The following STX18 variants were observed in gnomAD, a reference collection of about 807,000 sequenced individuals.
STX18 encodes syntaxin-18.
Under a neutral mutation model 50.1 loss-of-function variants are expected in STX18, and 40 were observed. That is an observed-to-expected ratio of 0.80 (90% CI 0.62 to 1.04). The LOEUF is 1.04. Ranked by LOEUF, STX18 falls within the 50% of genes least tolerant of loss-of-function variation. STX18 has a pLI of 0.00. For synonymous variants in STX18, 158 were observed against 151.8 expected, an observed-to-expected ratio of 1.04 and a Z score of -0.30; for missense variants, 410 against 415.8, an observed-to-expected ratio of 0.99 and a Z score of 0.12.
chr4:4,419,860 A>G lies in STX18; in HGVS notation c.*174T>C, dbSNP rs1006854227. 1 of 601,544 alleles carries G rather than the reference A, an allele frequency of 1.7e-6. No homozygotes were observed. The highest frequency in any genetic ancestry group is 2.9e-6 in the Non-Finnish European group (1 of 343,412). The allele number at this position is 601,544 out of a possible 1,614,324, so 37.3% of individuals were successfully genotyped here. On this transcript the variant is annotated 3_prime_UTR_variant, in exon 11 of 11. Coordinates refer to ENST00000306200, the MANE Select transcript of STX18 (RefSeq NM_016930.4). ...TTCAGCTGCTAAATGGCTGAACACCATCGGCCTGGGGTATCCCTTTTTGGG... is the reference window on the plus strand; with the variant it reads ...TTCAGCTGCTAAATGGCTGAACACCGTCGGCCTGGGGTATCCCTTTTTGGG...
intron 1 of STX18, among the ~76,000 whole-genome samples, chr4:4,505,623 T>A (rs867586623): frequency 0.017 from 2,358 of 134,878 alleles, 46 homozygotes; most frequent in African/African-American, 0.048. Flanking sequence ...CTGCTAAAAA[T>A]AAAAAAAAAA....
At chr4:4,499,283 T>C (rs1004385167) in intron 1 of STX18, among the ~76,000 whole-genome samples, 3 of 152,132 alleles carry the variant, frequency 2.0e-5, no homozygotes, top group Non-Finnish European at 4.4e-5. Flanking sequence ...TACAAGAAAT[T>C]TGAAGTAAGT....
At chr4:4,459,679 G>A (rs150591373) in intron 2 of STX18, among the ~76,000 whole-genome samples, 192 bp from the exon 3 acceptor site, 165 of 152,312 alleles carry the variant, frequency 1.1e-3, no homozygotes, top group African/African-American at 3.9e-3. Flanking sequence ...TATGAAGGGT[G>A]TGTGGTAGAA....
At position 4,447,516 on chromosome 4, in the gene STX18, G is replaced by A. The variant is rs369939958; in HGVS notation, c.498-9007C>T. Among the ~76,000 whole-genome samples the A allele has an allele frequency of 5.4e-3, 768 of 142,944 alleles. 3 individuals are homozygous for A. The highest frequency in any genetic ancestry group is 0.019 in the African/African-American group (740 of 39,008). 93.8% of individuals were successfully genotyped at this position (142,944 alleles called of 152,430 possible). ...TGAGGCAGGAGAATGGCGTGAACCCGGGAGGCGGAGCTTGCAGTGAGCCGA... is the reference window on the plus strand; with the variant it reads ...TGAGGCAGGAGAATGGCGTGAACCCAGGAGGCGGAGCTTGCAGTGAGCCGA... On this transcript the variant is annotated intron_variant, in intron 5 of 10. Coordinates refer to ENST00000306200, the MANE Select transcript of STX18 (RefSeq NM_016930.4).
chr4:4,529,379 C>T (rs6857988), intron 1 of STX18, among the ~76,000 whole-genome samples: 4,384 of 152,146 alleles, frequency 0.029, 219 homozygotes, highest in African/African-American at 0.099. Context: ...AAGAAATGCA[C>T]GGTCACAAGG....
chr4:4,512,457 C>G (rs1475583101), intron 1 of STX18, among the ~76,000 whole-genome samples: 1 of 152,124 alleles, frequency 6.6e-6, no homozygotes, highest in Non-Finnish European at 1.5e-5. Context: ...ACTGAAACCA[C>G]TTGATTGAAG....
At chr4:4,466,394 A>G (rs1443006462) in intron 2 of STX18, among the ~76,000 whole-genome samples, 1 of 152,136 alleles carries the variant, frequency 6.6e-6, no homozygotes, top group African/African-American at 2.4e-5. Flanking sequence ...GGTGAGGGTA[A>G]TGAAAAGTCT....
At chr4:4,499,610 T>A in intron 1 of STX18, 1 of 821,564 alleles carries the variant, frequency 1.2e-6, no homozygotes, top group Non-Finnish European at 1.5e-6. Context: ...AAACATTCAT[T>A]ATTCAATAGC....
intron 1 of STX18, among the ~76,000 whole-genome samples, chr4:4,518,021 C>T (rs1730360203): frequency 6.6e-6 from 1 of 152,196 alleles, no homozygotes; most frequent in African/African-American, 2.4e-5. Flanking sequence ...GATCCGCCTG[C>T]CTTGGCCTCC....
At chr4:4,508,139 A>C (rs1434232409) in intron 1 of STX18, among the ~76,000 whole-genome samples, 2 of 152,200 alleles carry the variant, frequency 1.3e-5, no homozygotes, top group Non-Finnish European at 2.9e-5. Context: ...TGCACAGGAC[A>C]CTGAAGTGCC....
rs184425494 is a variant in STX18 at position 4,509,741 on chromosome 4, A to C, written c.168+32056T>G. On this transcript the variant is annotated intron_variant, in intron 1 of 10. Transcript: ENST00000306200. ...AAATCTAGGAAGAGTGTAGGGAAAA[A>C]GGTGAATTCTAATTTTCAACAGGGT... Among the ~76,000 whole-genome samples the C allele has an allele frequency of 1.4e-3, 209 of 152,276 alleles. 2 individuals carry two copies. Among genetic ancestry groups the C allele is most frequent in the Non-Finnish European group, 2.1e-3 (141 of 68,020 alleles).
At chr4:4,484,140 G>A (rs1728598128) in intron 1 of STX18, among the ~76,000 whole-genome samples, 1 of 152,096 alleles carries the variant, frequency 6.6e-6, no homozygotes, top group South Asian at 2.1e-4. Context: ...GGGATTACAG[G>A]TGTGAGCCAC....
intron 2 of STX18, among the ~76,000 whole-genome samples, chr4:4,462,132 C>T (rs1238914365): frequency 6.6e-6 from 1 of 152,202 alleles, no homozygotes; most frequent in Non-Finnish European, 1.5e-5. Context: ...TGGGTCTCCA[C>T]TGTGTTGATC....
chr4:4,482,867 T>A (rs1327286938), intron 1 of STX18, among the ~76,000 whole-genome samples: 2 of 152,204 alleles, frequency 1.3e-5, no homozygotes, highest in Non-Finnish European at 2.9e-5. Flanking sequence ...TCCATCAGTC[T>A]GGAAATCTTA....
rs191702537 is a variant in STX18 at position 4,531,531 on chromosome 4, G to A, written c.168+10266C>T. Among the ~76,000 whole-genome samples the A allele has an allele frequency of 2.2e-3, 341 of 152,092 alleles. 2 individuals carry two copies. The highest frequency in any genetic ancestry group is 7.7e-3 in the African/African-American group (319 of 41,474). On this transcript the variant is annotated intron_variant, in intron 1 of 10. Coordinates refer to ENST00000306200, the MANE Select transcript of STX18 (RefSeq NM_016930.4). Reference sequence around the variant, plus strand: ...CCACTAATGTTATACAATGGCTCTCGAGGCCTCTGTAATCAGGCCACAGCA... The same window carrying A: ...CCACTAATGTTATACAATGGCTCTCAAGGCCTCTGTAATCAGGCCACAGCA...
At chr4:4,514,434 T>C (rs1436100053) in intron 1 of STX18, among the ~76,000 whole-genome samples, 4 of 152,128 alleles carry the variant, frequency 2.6e-5, no homozygotes, top group Admixed American at 2.6e-4. Context: ...AGTTATTTCG[T>C]TATGGCAAAA....
At chr4:4,431,562 T>C (rs571169930) in intron 7 of STX18, among the ~76,000 whole-genome samples, 53 of 152,216 alleles carry the variant, frequency 3.5e-4, no homozygotes, top group Non-Finnish European at 7.4e-4. Flanking sequence ...CGCAAGCCCA[T>C]CCTTCAAACA....
chr4:4,477,379 T>C (rs562869517), intron 1 of STX18, among the ~76,000 whole-genome samples: 1 of 152,352 alleles, frequency 6.6e-6, no homozygotes, highest in Non-Finnish European at 1.5e-5. Flanking sequence ...CCCAACAATC[T>C]CTGGCTACTT....
rs759450544 is a variant in STX18 at position 4,459,409 on chromosome 4, C to A, written c.315G>T (p.Arg105Ser). 6.2e-7 allele frequency: 1 copy of A among 1,614,102 alleles called. No homozygotes were observed. Among genetic ancestry groups the A allele is most frequent in the Non-Finnish European group, 8.5e-7 (1 of 1,180,012 alleles). ...GTTGCTGAATTGCTTCTGAACAGGTCCTCATGAATATCTGGGCATCCTGGT... is the reference window on the plus strand; with the variant it reads ...GTTGCTGAATTGCTTCTGAACAGGTACTCATGAATATCTGGGCATCCTGGT... ...QIDQDAQIFM[R>S]TCSEAIQQLR... Residue 105 changes from arginine to serine, a missense_variant, in exon 3 of 11, where the codon AGG (arginine) becomes AGT (serine). Arg to Ser is a moderately radical substitution (Grantham distance 110). Transcript: ENST00000306200.
Sources: gnomAD v4.1 joint callset for allele counts (sites outside exome capture counted in the v4.1 genomes callset) on GRCh38, gnomAD v4.1.1 for gene constraint, MANE v1.5 for transcripts, NCBI Gene and HGNC (gene_info 2026-07-23, HGNC 2026-07-21) for gene names.